The following ERC1 variants were observed in gnomAD, a reference collection of about 807,000 sequenced individuals.
ERC1 encodes ELKS/RAB6-interacting/CAST family member 1, also known as RAB6 interacting protein 2.
A neutral mutation model predicts 132.0 loss-of-function variants in ERC1; 56 were observed. The ratio of observed to expected loss-of-function variants is 0.42; its 90% CI spans 0.34 to 0.53. ERC1 has a LOEUF of 0.53. Among genes scored for constraint, ERC1 ranks in the 20% least tolerant of loss-of-function variants. The probability of loss-of-function intolerance (pLI) is 0.03; values close to 1 mark genes in which losing one functional copy is unlikely to be tolerated. For synonymous variants in ERC1, 478 were observed against 476.1 expected (o/e 1.00, Z -0.05); for missense variants, 1,202 against 1,349.9 (o/e 0.89, Z 1.72).
chr12:1,347,801 G>A (rs1418995492), intron 15 of ERC1, among the ~76,000 whole-genome samples: 1 of 152,034 alleles, frequency 6.6e-6, no homozygotes, highest in Non-Finnish European at 1.5e-5. Context: ...TGGCCAACAT[G>A]GTGCAACCCC....
At chr12:1,194,584 G>A (rs1004822824) in intron 12 of ERC1, among the ~76,000 whole-genome samples, 7 of 152,026 alleles carry the variant, frequency 4.6e-5, no homozygotes, top group Non-Finnish European at 8.8e-5. Context: ...CCCCTGTGCC[G>A]TATATTGTAT....
In ERC1 at chr12:1,289,902, C is replaced by G. The variant is rs1211806913; in HGVS notation, c.2670C>G (p.Ser890=). Residue 890 remains serine (S), a synonymous_variant, in exon 15 of 19, where the codon TCC becomes TCG. Transcript: ENST00000360905. ...AGAAGGTAAAGCAGGAACTAGAATCCATGAAAGCAAAGCTGTCCTCCACCC... is the reference window on the plus strand; with the variant it reads ...AGAAGGTAAAGCAGGAACTAGAATCGATGAAAGCAAAGCTGTCCTCCACCC... ...AMEKVKQELE[S]MKAKLSSTQQ... is the part of the protein sequence containing the mutation. The G allele has an allele frequency of 6.2e-7, 1 of 1,613,870 alleles. No homozygotes were observed. The highest frequency in any genetic ancestry group is 1.1e-5 in the South Asian group (1 of 91,076).
chr12:1,009,055 G>A (rs6489777), intron 1 of ERC1, among the ~76,000 whole-genome samples: 145,602 of 151,816 alleles, frequency 0.96, 70,085 homozygotes, highest in South Asian at 1. Context: ...TTTAAAAAAA[G>A]AAGTTTGTGA....
rs77553167 is a variant in ERC1, at chr12:1,476,887, A to G, written c.3214-13206A>G. 1.2e-4 allele frequency among the ~76,000 whole-genome samples: 18 copies of G among 152,392 alleles called. No individual in the cohort carries two copies. The East Asian group carries it at 3.3e-3, about 28-fold the overall frequency. The stretch of plus-strand genomic sequence containing the variant: ...CTATTGGAGTTAAATAAATTACAAT[A>G]TATTAATAAAATGGATTACAATGCA... On this transcript the variant is annotated intron_variant, in intron 18 of 18. Transcript: ENST00000360905.
At chr12:1,374,999 G>A (rs977790986) in intron 16 of ERC1, among the ~76,000 whole-genome samples, 3 of 152,098 alleles carry the variant, frequency 2.0e-5, no homozygotes, top group African/African-American at 7.2e-5. Flanking sequence ...TGATTCCAGT[G>A]TTTTGTAGGC....
At chr12:1,175,367 G>T (rs905713416) in intron 8 of ERC1, among the ~76,000 whole-genome samples, 1 of 151,868 alleles carries the variant, frequency 6.6e-6, no homozygotes, top group Non-Finnish European at 1.5e-5. Context: ...CTCTCAACCC[G>T]TGGCACTGCT....
At chr12:1,455,570 C>T (rs903439770) in intron 18 of ERC1, among the ~76,000 whole-genome samples, 2 of 152,168 alleles carry the variant, frequency 1.3e-5, no homozygotes, top group African/African-American at 4.8e-5. Context: ...GCCCTGTTGC[C>T]GTCTGTGGGA....
At chr12:1,013,372 T>G (rs1965006234) in intron 1 of ERC1, among the ~76,000 whole-genome samples, 1 of 152,126 alleles carries the variant, frequency 6.6e-6, no homozygotes, top group Admixed American at 6.6e-5. Context: ...ATAATTAACT[T>G]GATTAATTGA....
intron 17 of ERC1, among the ~76,000 whole-genome samples, chr12:1,441,798 G>T (rs1480291141): frequency 6.6e-6 from 1 of 152,238 alleles, no homozygotes; most frequent in African/African-American, 2.4e-5. Context: ...CATCATGGGG[G>T]TGTAGTAACA....
intron 2 of ERC1, among the ~76,000 whole-genome samples, chr12:1,046,227 C>T (rs1333248036): frequency 6.6e-6 from 1 of 152,082 alleles, no homozygotes; most frequent in Non-Finnish European, 1.5e-5. Context: ...CAATAAGAGA[C>T]AGTTCTTTCA....
In ERC1 at chr12:1,133,283, T is replaced by C. The variant is rs1428821084; in HGVS notation, c.1570-8337T>C. 2.0e-5 allele frequency among the ~76,000 whole-genome samples: 3 copies of C among 152,184 alleles called. No homozygotes were observed. The East Asian group carries it at 5.8e-4, about 29-fold the overall frequency. On this transcript the variant is annotated intron_variant, in intron 7 of 18. Coordinates refer to ENST00000360905, the MANE Select transcript of ERC1 (RefSeq NM_178040.4). ...CATGTAGTAATTAGATGCAAATGAT[T>C]ATGTGATTTATTTATTTTTCAAATT...
intron 8 of ERC1, among the ~76,000 whole-genome samples, chr12:1,148,711 C>T (rs1456226621): frequency 6.6e-6 from 1 of 152,152 alleles, no homozygotes; most frequent in East Asian, 1.9e-4. Flanking sequence ...AAGTGATTCT[C>T]CTGCCTCAGC....
chr12:1,183,412 A>G lies in ERC1; in HGVS notation c.2148A>G (p.Gln716=), dbSNP rs775296281. ...AGGAGTGTCTGAAAATGGAATCACA[A>G]TTGAAAAAGGTTAAAGAAAAAATTT... ...KKEECLKMES[Q]LKKAHEAALE... is the part of the protein sequence containing the mutation. Residue 716 remains glutamine, a synonymous_variant, in exon 11 of 19, where the codon CAA becomes CAG. Coordinates refer to ENST00000360905, the MANE Select transcript of ERC1 (RefSeq NM_178040.4). 8.9e-6 allele frequency: 14 copies of G among 1,569,440 alleles called. 1 individual carries two copies. The highest frequency in any genetic ancestry group is 3.4e-4 in the Middle Eastern group (2 of 5,850).
At chr12:1,247,516 C>G (rs987281265) in intron 13 of ERC1, among the ~76,000 whole-genome samples, 1 of 152,188 alleles carries the variant, frequency 6.6e-6, no homozygotes. Flanking sequence ...CTATATTTCT[C>G]AGCACTTTTA....
intron 15 of ERC1, among the ~76,000 whole-genome samples, chr12:1,355,763 G>A (rs115451085): frequency 2.1e-4 from 32 of 152,228 alleles, no homozygotes; most frequent in African/African-American, 6.3e-4. Flanking sequence ...TTCACTCTAC[G>A]AGGTGGGCAC....
chr12:1,264,005 C>T (rs1373840897), intron 14 of ERC1, among the ~76,000 whole-genome samples: 1 of 151,718 alleles, frequency 6.6e-6, no homozygotes, highest in Non-Finnish European at 1.5e-5. Flanking sequence ...AAAAAAGATA[C>T]AAACATTTCT....
At chr12:1,135,736 G>A (rs1207601421) in intron 7 of ERC1, among the ~76,000 whole-genome samples, 1 of 152,174 alleles carries the variant, frequency 6.6e-6, no homozygotes, top group Non-Finnish European at 1.5e-5. Context: ...GACAGCAAGA[G>A]GCAAGGAAGG....
chr12:1,137,147 G>A (rs1202751514), intron 7 of ERC1, among the ~76,000 whole-genome samples: 1 of 135,582 alleles, frequency 7.4e-6, no homozygotes. Flanking sequence ...TTGGCAGGCT[G>A]GAGTGCAGTG....
At chr12:991,144 G>A (rs1959187127), upstream of ERC1, 1 of 146,594 alleles carries the variant, frequency 6.8e-6, no homozygotes, top group African/African-American at 2.6e-5. Context: ...CCGGGAGCCC[G>A]GGGAGGCGCG....
Sources: allele counts gnomAD v4.1 joint callset (sites outside exome capture counted in the v4.1 genomes callset), GRCh38; gene constraint gnomAD v4.1.1; transcripts MANE v1.5; gene names NCBI Gene and HGNC (gene_info 2026-07-23, HGNC 2026-07-21).